The following LRMDA variants were observed in gnomAD, a reference collection of about 807,000 sequenced individuals.
The protein encoded by LRMDA is leucine-rich melanocyte differentiation-associated protein.
Under a neutral mutation model 29.8 loss-of-function variants are expected in LRMDA, and 18 were observed. The observed-to-expected ratio is 0.60, with a 90% CI of 0.42 to 0.90. LRMDA has a LOEUF of 0.90. LRMDA is among the 40% of genes least tolerant of loss of function. LRMDA has a pLI of 0.00. For missense variants in LRMDA, 273 were observed against 273.9 expected, an observed-to-expected ratio of 1.00 and a Z score of 0.02; for synonymous variants, 125 against 109.4, an observed-to-expected ratio of 1.14 and a Z score of -0.89.
intron 2 of LRMDA, among the ~76,000 whole-genome samples, chr10:75,983,588 C>T (rs1246574806): frequency 5.9e-5 from 9 of 152,146 alleles, no homozygotes; most frequent in Non-Finnish European, 1.3e-4. Flanking sequence ...ATATAATATG[C>T]GTCTATGTAT....
At chr10:76,510,264 T>A (rs566473229) in intron 6 of LRMDA, among the ~76,000 whole-genome samples, 44 of 151,886 alleles carry the variant, frequency 2.9e-4, no homozygotes, top group African/African-American at 1.1e-3. Flanking sequence ...AGAAACGGGG[T>A]TTCACCAAGT....
chr10:76,045,000 T>TGCTAGTTTCTCCCCTCTCTTGCTAGTTTC (rs1564637823), intron 3 of LRMDA, among the ~76,000 whole-genome samples: 2 of 149,092 alleles, frequency 1.3e-5, no homozygotes, highest in Non-Finnish European at 3.0e-5. Context: ...TGCTAGTTTT[T>TGCTAGTTTCTCCCCTCTCTTGCTAGTTTC]CCCCTCTCTT....
intron 4 of LRMDA, among the ~76,000 whole-genome samples, chr10:76,050,518 T>C (rs746737449): frequency 3.9e-5 from 6 of 152,232 alleles, no homozygotes; most frequent in Non-Finnish European, 4.4e-5. Flanking sequence ...GAAATGTCCA[T>C]GGCCCTGTTA....
chr10:75,984,647 C>T (rs996643758), intron 2 of LRMDA, among the ~76,000 whole-genome samples: 3 of 152,264 alleles, frequency 2.0e-5, no homozygotes, highest in African/African-American at 7.2e-5. Context: ...GCGCATGTCA[C>T]AGCCAGGCAG....
chr10:75,879,086 A>G (rs757473261), intron 2 of LRMDA, among the ~76,000 whole-genome samples: 1 of 152,014 alleles, frequency 6.6e-6, no homozygotes, highest in Non-Finnish European at 1.5e-5. Flanking sequence ...ACATAGCCTT[A>G]CTCTTCAACC....
intron 2 of LRMDA, among the ~76,000 whole-genome samples, chr10:75,786,500 C>T (rs1308153479): frequency 2.0e-5 from 3 of 152,098 alleles, no homozygotes; most frequent in Non-Finnish European, 4.4e-5. Context: ...TTTTATTGTT[C>T]ATTGGAAATA....
chr10:75,506,412 A>G (rs1245003539), intron 2 of LRMDA, among the ~76,000 whole-genome samples: 1 of 152,088 alleles, frequency 6.6e-6, no homozygotes, highest in South Asian at 2.1e-4. Flanking sequence ...CTGCCTTTTT[A>G]CCCTGTGCTT....
At chr10:75,560,015 G>C (rs1840270152) in intron 2 of LRMDA, among the ~76,000 whole-genome samples, 1 of 150,954 alleles carries the variant, frequency 6.6e-6, no homozygotes, top group Non-Finnish European at 1.5e-5. Flanking sequence ...TGGCGATGTG[G>C]GCTCTTTTTT....
At chr10:76,396,949 G>C (rs951263795) in intron 6 of LRMDA, among the ~76,000 whole-genome samples, 1 of 152,034 alleles carries the variant, frequency 6.6e-6, no homozygotes, top group Non-Finnish European at 1.5e-5. Context: ...CCTCTGCCAC[G>C]CCACGCAACT....
At chr10:76,160,932 C>G (rs868465795) in intron 5 of LRMDA, among the ~76,000 whole-genome samples, 20 of 152,094 alleles carry the variant, frequency 1.3e-4, no homozygotes, top group African/African-American at 4.8e-4. Context: ...GTCAAAGCAA[C>G]CAAGCCACGT....
intron 5 of LRMDA, among the ~76,000 whole-genome samples, chr10:76,308,658 C>T (rs1233947803): frequency 2.6e-5 from 4 of 152,214 alleles, no homozygotes; most frequent in Non-Finnish European, 4.4e-5. Flanking sequence ...CCTCTCTCCT[C>T]CCAGCCTGGG....
chr10:75,793,549 G>A (rs944552560), intron 2 of LRMDA, among the ~76,000 whole-genome samples: 1 of 152,200 alleles, frequency 6.6e-6, no homozygotes, highest in Non-Finnish European at 1.5e-5. Context: ...CCACTTTCAG[G>A]CACATGTATA....
At chr10:75,516,000 C>T (rs1409536225) in intron 2 of LRMDA, among the ~76,000 whole-genome samples, 1 of 152,174 alleles carries the variant, frequency 6.6e-6, no homozygotes, top group Non-Finnish European at 1.5e-5. Flanking sequence ...TGATGGTTTC[C>T]AGCTTCATCC....
intron 6 of LRMDA, among the ~76,000 whole-genome samples, chr10:76,484,372 A>C (rs1163972707): frequency 6.6e-6 from 1 of 151,888 alleles, no homozygotes; most frequent in African/African-American, 2.4e-5. Flanking sequence ...TTAGGGTAGC[A>C]ATGAAACAAT....
rs368732456 is a variant in LRMDA, at chr10:75,686,511, G to A, written c.131+248017G>A. Among the ~76,000 whole-genome samples, 161 of 152,332 alleles carry A rather than the reference G, an allele frequency of 1.1e-3. 6 individuals are homozygous for A. In the South Asian group the frequency reaches 0.029, roughly 28 times the overall value. On this transcript the variant is annotated intron_variant, in intron 2 of 6. Transcript: ENST00000611255. ...ACTCCTGAGAGATGGCACTGCATCTGCTTTCTTCACCATTTATTCGAATGT... is the reference window on the plus strand; with the variant it reads ...ACTCCTGAGAGATGGCACTGCATCTACTTTCTTCACCATTTATTCGAATGT...
intron 2 of LRMDA, among the ~76,000 whole-genome samples, chr10:75,818,232 G>A (rs899694424): frequency 1.1e-4 from 17 of 152,120 alleles, no homozygotes; most frequent in African/African-American, 3.9e-4. Context: ...GTAATGAGGG[G>A]GTTTGTGGGG....
intron 5 of LRMDA, among the ~76,000 whole-genome samples, chr10:76,064,105 C>G (rs1251260435): frequency 6.6e-6 from 1 of 152,170 alleles, no homozygotes. Flanking sequence ...CTTCAGTCAA[C>G]ATGGTTACAT....
intron 2 of LRMDA, among the ~76,000 whole-genome samples, chr10:75,735,532 T>C (rs1842751680): frequency 6.6e-6 from 1 of 152,192 alleles, no homozygotes; most frequent in African/African-American, 2.4e-5. Flanking sequence ...ATATTCTCAG[T>C]GGGGAGTGCT....
intron 2 of LRMDA, among the ~76,000 whole-genome samples, chr10:75,848,669 C>T (rs139941832): frequency 1.3e-5 from 2 of 152,204 alleles, no homozygotes; most frequent in African/African-American, 4.8e-5. Flanking sequence ...AGATGCATTA[C>T]AGTGTTACTC....
Sources: gnomAD v4.1 joint callset for allele counts (sites outside exome capture counted in the v4.1 genomes callset) on GRCh38, gnomAD v4.1.1 for gene constraint, MANE v1.5 for transcripts, NCBI Gene and HGNC (gene_info 2026-07-23, HGNC 2026-07-21) for gene names.